Variants in MARCHF6 observed in about 807,000 individuals in gnomAD.
MARCHF6 encodes the protein membrane associated ring-CH-type finger 6.
MARCHF6 carries 31 observed loss-of-function variants against 133.7 expected under a neutral mutation model. The ratio of observed to expected loss-of-function variants is 0.23; its 90% CI spans 0.17 to 0.31. The LOEUF (loss-of-function observed/expected upper bound fraction) is 0.31. Ranked by LOEUF, MARCHF6 falls within the 10% of genes least tolerant of loss-of-function variation. The probability of loss-of-function intolerance (pLI) is 1.00; values close to 1 mark genes in which losing one functional copy is unlikely to be tolerated. For missense variants in MARCHF6, 723 were observed against 1,121.6 expected (o/e 0.64, Z 5.08); for synonymous variants, 395 against 402.5 (o/e 0.98, Z 0.22).
intron 23 of MARCHF6, among the ~76,000 whole-genome samples, chr5:10,424,045 A>C (rs541098275): frequency 6.6e-6 from 1 of 152,170 alleles, no homozygotes; most frequent in East Asian, 1.9e-4. Context: ...TTTTTAGTTA[A>C]AATGGAACCC....
chr5:10,411,664 C>T, intron 19 of MARCHF6, 127 bp downstream of exon 19: 2 of 617,450 alleles, frequency 3.2e-6, no homozygotes. Flanking sequence ...ATTTTATTAC[C>T]CTCATTATGT....
chr5:10,409,997 C>A, intron 17 of MARCHF6, 142 bp from the exon 18 acceptor site: 2 of 861,346 alleles, frequency 2.3e-6, no homozygotes, highest in Non-Finnish European at 3.5e-6. Context: ...GTGGGGAAAG[C>A]CTCACTGAGT....
In MARCHF6 at chr5:10,407,483, G is replaced by A. The variant is rs190386537; in HGVS notation, c.1553+281G>A. Among the ~76,000 whole-genome samples the A allele has an allele frequency of 2.6e-4, 39 of 152,132 alleles. No homozygotes were observed. In the East Asian group the frequency reaches 6.6e-3, roughly 26 times the overall value. On this transcript the variant is annotated intron_variant, in intron 17 of 25. Coordinates refer to ENST00000274140, the MANE Select transcript of MARCHF6 (RefSeq NM_005885.4). Reference sequence around the variant, plus strand: ...AAAGGAAGATGTTTATTTTTTCTGCGCATAAAGTATGCATTTGCACACCAT... The same window carrying A: ...AAAGGAAGATGTTTATTTTTTCTGCACATAAAGTATGCATTTGCACACCAT...
chr5:10,364,152 AGTGTG>A (rs1317681009), intron 1 of MARCHF6, among the ~76,000 whole-genome samples: 2 of 152,220 alleles, frequency 1.3e-5, no homozygotes, highest in African/African-American at 4.8e-5. Context: ...CATACCTATT[AGTGTG>A]GCTAAAATGG....
chr5:10,430,671 A>G (rs924716409), intron 25 of MARCHF6, among the ~76,000 whole-genome samples: 1 of 152,156 alleles, frequency 6.6e-6, no homozygotes, highest in African/African-American at 2.4e-5. Flanking sequence ...GTCTGACAGT[A>G]TATTAAACAG....
At chr5:10,364,960 C>T (rs1464311437) in intron 1 of MARCHF6, among the ~76,000 whole-genome samples, 1 of 152,024 alleles carries the variant, frequency 6.6e-6, no homozygotes. Context: ...CATGCCACCA[C>T]GCCCGGCTAA....
At chr5:10,399,286 A>G (rs1398768239) in intron 10 of MARCHF6, among the ~76,000 whole-genome samples, 1 of 152,058 alleles carries the variant, frequency 6.6e-6, no homozygotes, top group African/African-American at 2.4e-5. Context: ...TATTACACAC[A>G]ATATGTTAGT....
Position 10,410,236 on chromosome 5 carries a change from G to A in MARCHF6, c.1651G>A (p.Gly551Arg), listed in dbSNP as rs1038048921. The change falls in exon 18 of 26, where the codon GGG becomes AGG. Residue 551 changes from glycine to arginine, a missense_variant. Physicochemically the swap from Gly to Arg is moderately radical, Grantham distance 125. Around this residue, in one of 4 missense-constraint regions of MARCHF6, gnomAD observed 492 missense variants for 699.5 expected, o/e 0.70. Coordinates refer to ENST00000274140, the MANE Select transcript of MARCHF6 (RefSeq NM_005885.4). ...GGGACACACGAGGCAGTGGCTGAAG[G>A]GGCTGGTGCGAGCGTGGACTGTGAC... is the stretch of plus-strand genomic sequence containing the variant. ...EQGHTRQWLK[G>R]LVRAWTVTAG... 4 of 1,613,438 alleles carry A rather than the reference G, an allele frequency of 2.5e-6. No individual in the cohort carries two copies. Among genetic ancestry groups the A allele is most frequent in the Non-Finnish European group, 3.4e-6 (4 of 1,180,036 alleles).
intron 1 of MARCHF6, among the ~76,000 whole-genome samples, chr5:10,373,431 C>T (rs753449223): frequency 5.3e-5 from 8 of 152,138 alleles, no homozygotes; most frequent in African/African-American, 9.7e-5. Flanking sequence ...GAGTTTGCCA[C>T]TGCTTTGGTC....
At chr5:10,357,662 C>T (rs974375797) in intron 1 of MARCHF6, among the ~76,000 whole-genome samples, 6 of 152,162 alleles carry the variant, frequency 3.9e-5, no homozygotes, top group Non-Finnish European at 8.8e-5. Context: ...GAGATGTCTG[C>T]TGCATGTTTC....
At chr5:10,427,851 T>C (rs1472271089) in intron 24 of MARCHF6, among the ~76,000 whole-genome samples, 1 of 152,146 alleles carries the variant, frequency 6.6e-6, no homozygotes, top group Non-Finnish European at 1.5e-5. Context: ...GGAGGTTGCT[T>C]GAAGCCAGGA....
In MARCHF6 at chr5:10,388,455, T is replaced by G. The variant is rs372912076; in HGVS notation, c.407+1389T>G. On this transcript the variant is annotated intron_variant, in intron 5 of 25. Transcript: ENST00000274140. ...TGAGGTCATGTCTAGGTGCACTGTA[T>G]CAGTTATCTATTGCTGCAAAACAAA... 5.9e-5 allele frequency among the ~76,000 whole-genome samples: 9 copies of G among 152,330 alleles called. No homozygotes were observed. In the East Asian group the frequency reaches 1.5e-3, roughly 26 times the overall value.
At chr5:10,424,359 A>G (rs1561149910) in intron 23 of MARCHF6, among the ~76,000 whole-genome samples, 1 of 152,160 alleles carries the variant, frequency 6.6e-6, no homozygotes, top group Non-Finnish European at 1.5e-5. Context: ...TCAGTGGGTA[A>G]TCTTTGTCCT....
intron 4 of MARCHF6, among the ~76,000 whole-genome samples, chr5:10,383,216 C>T (rs923455700): frequency 1.3e-5 from 2 of 152,090 alleles, no homozygotes; most frequent in African/African-American, 4.8e-5. Context: ...GGAATTCTCC[C>T]AGGATGAAAC....
chr5:10,388,021 A>G (rs548391214), intron 5 of MARCHF6, among the ~76,000 whole-genome samples: 1 of 152,272 alleles, frequency 6.6e-6, no homozygotes, highest in Non-Finnish European at 1.5e-5. Context: ...TTATTTTTTA[A>G]ATGTTTTCCA....
At chr5:10,379,565 A>G (rs933513907) in intron 3 of MARCHF6, among the ~76,000 whole-genome samples, 4 of 151,804 alleles carry the variant, frequency 2.6e-5, no homozygotes, top group Middle Eastern at 6.8e-3. Flanking sequence ...GGTTCACGCC[A>G]TTCTCCTGCC....
intron 25 of MARCHF6, among the ~76,000 whole-genome samples, chr5:10,431,626 AGTGTGTGTGTGTGT>A (rs10574367): frequency 6.7e-6 from 1 of 148,386 alleles, no homozygotes. Context: ...AGAGTGAGTG[AGTGTGTGTGTGTGT>A]GTGTGTGTGT....
At position 10,438,440 on chromosome 5, in the gene MARCHF6, T is replaced by G. The variant is rs1489586677; in HGVS notation, c.*4756T>G. The stretch of plus-strand genomic sequence containing the variant: ...AAATGCTATTCGAACCATAGACATC[T>G]TTAATCTGTGAAGCTGAAATTTTTC... On this transcript the variant is annotated 3_prime_UTR_variant, in exon 26 of 26. Coordinates refer to ENST00000274140, the MANE Select transcript of MARCHF6 (RefSeq NM_005885.4). 6.6e-6 allele frequency: 1 copy of G among 152,236 alleles called. No homozygotes were observed. The allele number at this position is 152,236 out of a possible 1,614,324, so 9.4% of individuals were successfully genotyped here.
At chr5:10,367,103 T>G (rs1213315390) in intron 1 of MARCHF6, among the ~76,000 whole-genome samples, 1 of 152,172 alleles carries the variant, frequency 6.6e-6, no homozygotes, top group Non-Finnish European at 1.5e-5. Context: ...ACAGACATTC[T>G]ACAGTGTACC....
Sources: allele counts gnomAD v4.1 joint callset (sites outside exome capture counted in the v4.1 genomes callset), GRCh38; gene constraint gnomAD v4.1.1; regional missense constraint gnomAD v4.1.1; transcripts MANE v1.5; gene names NCBI Gene and HGNC (gene_info 2026-07-23, HGNC 2026-07-21).